COX16: variants seen among roughly 807,000 people sequenced by gnomAD.
COX16 encodes cytochrome c oxidase assembly factor COX16.
Under a neutral mutation model 15.4 loss-of-function variants are expected in COX16, and 12 were observed. That is an observed-to-expected ratio of 0.78 (90% CI 0.50 to 1.26). The LOEUF (loss-of-function observed/expected upper bound fraction) is 1.26, where lower values mean the gene tolerates loss of function less well. Ranked by LOEUF, COX16 falls within the 50% of genes most tolerant of loss-of-function variation. The pLI is 0.00. For missense variants in COX16, 124 were observed against 127.6 expected, an observed-to-expected ratio of 0.97 and a Z score of 0.14; for synonymous variants, 46 against 41.1, an observed-to-expected ratio of 1.12 and a Z score of -0.46.
chr14:70,329,183 C>A lies in COX16; in HGVS notation c.195G>T (p.Ser65=). 1 of 1,589,100 alleles carries A rather than the reference C, an allele frequency of 6.3e-7. No homozygotes were observed. Among genetic ancestry groups the A allele is most frequent in the Non-Finnish European group, 8.6e-7 (1 of 1,164,674 alleles). Reference sequence around the variant, plus strand: ...TATTAACATACCGTACCTCATATTCCGACTCTAAAGATATTTTATTCTCTT... The same window carrying A: ...TATTAACATACCGTACCTCATATTCAGACTCTAAAGATATTTTATTCTCTT... The part of the protein sequence containing the change: ...KLKENKISLE[S]EYEKIKDSKF... Residue 65 remains serine, a synonymous_variant, in exon 3 of 4, where the codon TCG becomes TCT. Coordinates refer to ENST00000389912, the MANE Select transcript of COX16 (RefSeq NM_016468.7).
intron 1 of COX16, among the ~76,000 whole-genome samples, chr14:70,347,760 C>A (rs773415687): frequency 1.3e-5 from 2 of 152,116 alleles, no homozygotes; most frequent in East Asian, 3.8e-4. Context: ...ACCCCATGAA[C>A]CCGAGGGCTC....
At chr14:70,356,473 G>A (rs900147047) in intron 1 of COX16, among the ~76,000 whole-genome samples, 9 of 152,112 alleles carry the variant, frequency 5.9e-5, no homozygotes, top group Non-Finnish European at 1.0e-4. Flanking sequence ...GTGGCCCAGG[G>A]GTTGAGGACC....
At chr14:70,357,158 C>CAAAAAAAAAAAAAAAAAAAA (rs4048531) in intron 1 of COX16, among the ~76,000 whole-genome samples, 1 of 78,700 alleles carries the variant, frequency 1.3e-5, no homozygotes, top group Non-Finnish European at 2.4e-5. Context: ...AAGCGTTTGT[C>CAAAAAAAAAAAAAAAAAAAA]AAAAAAAAAA....
In COX16 at chr14:70,326,208, T is replaced by TTACCCATATCCAAGTTTC. The variant is rs1384652036; in HGVS notation, c.*107_*124dup. On this transcript the variant is annotated 3_prime_UTR_variant, in exon 4 of 4. Transcript: ENST00000389912. ...TTAGTGAAGATTATTTGTCATCAAA[T>TTACCCATATCCAAGTTTC]TACCCATATCCAAGTTTCCATGGGC... 1 of 650,994 alleles carries TTACCCATATCCAAGTTTC rather than the reference T, an allele frequency of 1.5e-6. No homozygotes were observed. The highest frequency in any genetic ancestry group is 1.9e-5 in the African/African-American group (1 of 52,448). The allele number at this position is 650,994 out of a possible 1,614,324, so 40.3% of individuals were successfully genotyped here. A position where few individuals can be genotyped will look rare whatever the true frequency, so the allele number is the denominator to read the frequency against.
At chr14:70,352,094 T>C (rs920977385) in intron 1 of COX16, among the ~76,000 whole-genome samples, 2 of 152,224 alleles carry the variant, frequency 1.3e-5, no homozygotes, top group African/African-American at 4.8e-5. Flanking sequence ...TTGAAAAACC[T>C]GGCAATATTT....
chr14:70,353,793 G>A (rs1220084484), intron 1 of COX16, among the ~76,000 whole-genome samples: 3 of 152,048 alleles, frequency 2.0e-5, no homozygotes, highest in Admixed American at 6.5e-5. Flanking sequence ...GATTACAGGC[G>A]TGAGCCACTG....
At chr14:70,348,867 G>A (rs1013671291) in intron 1 of COX16, among the ~76,000 whole-genome samples, 3 of 152,062 alleles carry the variant, frequency 2.0e-5, no homozygotes, top group South Asian at 2.1e-4. Context: ...CACCAAACCC[G>A]GGACAATCCT....
chr14:70,328,081 T>TTTTTTTTTTTTTTTTTG (rs1886147172), intron 3 of COX16: 1 of 102,782 alleles, frequency 9.7e-6, no homozygotes, highest in Non-Finnish European at 1.9e-5. Flanking sequence ...GATTTTTTTT[T>TTTTTTTTTTTTTTTTTG]TTTTTTTTTT....
intron 1 of COX16, among the ~76,000 whole-genome samples, chr14:70,344,786 G>A (rs1350152884): frequency 6.6e-6 from 1 of 152,144 alleles, no homozygotes; most frequent in Non-Finnish European, 1.5e-5. Flanking sequence ...AAGAGAGCCG[G>A]CCGGAAAATA....
At chr14:70,353,509 G>GATAGAT in intron 1 of COX16, among the ~76,000 whole-genome samples, 1 of 150,400 alleles carries the variant, frequency 6.6e-6, no homozygotes, top group Non-Finnish European at 1.5e-5. Flanking sequence ...TAGATAGATA[G>GATAGAT]ATATACACAT....
chr14:70,342,492 CT>C (rs1337693031), intron 2 of COX16, among the ~76,000 whole-genome samples, 165 bp downstream of exon 2: 2 of 152,164 alleles, frequency 1.3e-5, no homozygotes, highest in Non-Finnish European at 2.9e-5. Context: ...TCATGATTCA[CT>C]GCCATGTGAT....
At chr14:70,328,043 C>T (rs1242137987) in intron 3 of COX16, 1 of 140,514 alleles carries the variant, frequency 7.1e-6, no homozygotes, top group Non-Finnish European at 1.5e-5. Context: ...GACTGTTCTT[C>T]AGGAGTAAAA....
At chr14:70,341,328 C>G (rs1341301552) in intron 2 of COX16, among the ~76,000 whole-genome samples, 2 of 152,108 alleles carry the variant, frequency 1.3e-5, no homozygotes, top group Non-Finnish European at 1.5e-5. Context: ...TTAAAACTAG[C>G]TGATGTTGGT....
At chr14:70,341,603 T>G (rs368607225) in intron 2 of COX16, among the ~76,000 whole-genome samples, 167 of 152,292 alleles carry the variant, frequency 1.1e-3, no homozygotes, top group African/African-American at 3.8e-3. Flanking sequence ...TTAGCCAACT[T>G]AGATAAGCTT....
chr14:70,347,099 T>C (rs1252704955), intron 1 of COX16, among the ~76,000 whole-genome samples: 1 of 151,312 alleles, frequency 6.6e-6, no homozygotes, highest in Admixed American at 6.6e-5. Context: ...CCTTAAAGAG[T>C]CCACCCAGTT....
intron 1 of COX16, among the ~76,000 whole-genome samples, chr14:70,344,183 C>A (rs1051376646): frequency 1.3e-5 from 2 of 152,184 alleles, no homozygotes; most frequent in Non-Finnish European, 2.9e-5. Context: ...CGATGTTATC[C>A]CCAGGAGCAA....
chr14:70,332,116 G>C (rs1178551556), intron 2 of COX16, among the ~76,000 whole-genome samples: 1 of 152,250 alleles, frequency 6.6e-6, no homozygotes, highest in Non-Finnish European at 1.5e-5. Context: ...CAGCTGCCAA[G>C]AGGTCCAGAA....
In COX16 at chr14:70,359,529, A is replaced by G. The variant is rs1887236068; in HGVS notation, c.59T>C (p.Val20Ala). The G allele has an allele frequency of 1.2e-6, 2 of 1,613,508 alleles. No homozygotes were observed. Among genetic ancestry groups the G allele is most frequent in the South Asian group, 2.2e-5 (2 of 91,034 alleles). The change falls in exon 1 of 4, where the codon GTC (valine) becomes GCC (alanine). Residue 20 changes from valine (V) to alanine (A), a missense_variant. Transcript: ENST00000389912. ...CCTCACTCCACTCACCAACATGGGG[A>G]CTCCATAGCCGAGAGTCTTGTTCTT... ...FRKNKTLGYG[V>A]PMLLLIVGGS...
intron 1 of COX16, among the ~76,000 whole-genome samples, chr14:70,344,013 G>A (rs1178842884): frequency 6.6e-6 from 1 of 152,162 alleles, no homozygotes; most frequent in Non-Finnish European, 1.5e-5. Context: ...TTTGGAGTTG[G>A]ACTCATAGGG....
Sources: allele counts gnomAD v4.1 joint callset (sites outside exome capture counted in the v4.1 genomes callset), GRCh38; gene constraint gnomAD v4.1.1; transcripts MANE v1.5; gene names NCBI Gene and HGNC (gene_info 2026-07-23, HGNC 2026-07-21).